The following MCC variants were observed in gnomAD, a reference collection of about 807,000 sequenced individuals.
MCC encodes the protein MCC regulator of Wnt signaling pathway.
Under a neutral mutation model 116.2 loss-of-function variants are expected in MCC, and 90 were observed. That is an observed-to-expected ratio of 0.77 (90% CI 0.65 to 0.92). The LOEUF (loss-of-function observed/expected upper bound fraction) is 0.92. Among genes scored for constraint, MCC ranks in the 40% least tolerant of loss-of-function variants. The probability of loss-of-function intolerance (pLI) is 0.00; values close to 1 mark genes in which losing one functional copy is unlikely to be tolerated. For missense variants in MCC, 1,516 were observed against 1,312.2 expected, an observed-to-expected ratio of 1.16 and a Z score of -2.40; for synonymous variants, 578 against 510.5, an observed-to-expected ratio of 1.13 and a Z score of -1.78.
chr5:113,040,240 C>A (rs1302991889), intron 17 of MCC, among the ~76,000 whole-genome samples: 1 of 151,846 alleles, frequency 6.6e-6, no homozygotes, highest in Non-Finnish European at 1.5e-5. Context: ...AGAAGATACA[C>A]TGAGAGAGCC....
chr5:113,090,555 G>T (rs1006120672), intron 8 of MCC, among the ~76,000 whole-genome samples: 3 of 152,208 alleles, frequency 2.0e-5, no homozygotes, highest in African/African-American at 7.2e-5. Flanking sequence ...ATTTGGACAC[G>T]TTCCTCAACG....
intron 1 of MCC, among the ~76,000 whole-genome samples, chr5:113,401,770 TA>T (rs376935006): frequency 0.26 from 25,877 of 99,972 alleles, 2,426 homozygotes; most frequent in Non-Finnish European, 0.29. Flanking sequence ...TTTTCTTATT[TA>T]TATATATATA....
chr5:113,087,165 T>A (rs1258192093), intron 8 of MCC, among the ~76,000 whole-genome samples: 1 of 152,234 alleles, frequency 6.6e-6, no homozygotes. Flanking sequence ...ATATTAAATG[T>A]CTAGGATGTC....
At chr5:113,253,600 G>A (rs1764884601) in intron 3 of MCC, among the ~76,000 whole-genome samples, 1 of 152,174 alleles carries the variant, frequency 6.6e-6, no homozygotes, top group South Asian at 2.1e-4. Flanking sequence ...GAGGAGGGAA[G>A]CTAAGTCAGC....
intron 14 of MCC, among the ~76,000 whole-genome samples, chr5:113,055,418 C>T (rs931335928): frequency 6.6e-6 from 1 of 152,204 alleles, no homozygotes; most frequent in African/African-American, 2.4e-5. Flanking sequence ...CACTCTTGTA[C>T]ATGACACATT....
At chr5:113,044,506 C>T (rs1580910828) in intron 16 of MCC, 2 of 983,094 alleles carry the variant, frequency 2.0e-6, no homozygotes, top group South Asian at 9.4e-5. Flanking sequence ...GACATGAGTG[C>T]TACCAAGCTG....
Position 113,434,718 on chromosome 5 carries a change from T to G in MCC, c.171-49506A>C. On this transcript the variant is annotated intron_variant, in intron 1 of 18. Transcript: ENST00000408903. This position sits in a 1 kb window ranked among gnomAD's most constrained non-coding sequence, Gnocchi z 4.2. ...GGGGGCCTTCTTGCGGTCGATGATC[T>G]TGATCGCCACATTGAACTTCAGGCG... The G allele has an allele frequency of 6.2e-7, 1 of 1,614,108 alleles. No homozygotes were observed. Among genetic ancestry groups the G allele is most frequent in the East Asian group, 2.2e-5 (1 of 44,888 alleles).
In MCC at chr5:113,266,622, T is replaced by A. The variant is rs548688070; in HGVS notation, c.627+73897A>T. On this transcript the variant is annotated intron_variant, in intron 3 of 18. Coordinates refer to ENST00000408903, the MANE Select transcript of MCC (RefSeq NM_001085377.2). ...GGGGAGAACTCCTACGCTCAACTAA[T>A]CCTCCAGCCTCAGCCTCAGAGTAAC... is the stretch of plus-strand genomic sequence containing the variant. 8.2e-4 allele frequency among the ~76,000 whole-genome samples: 125 copies of A among 152,252 alleles called. 1 individual carries two copies. The highest frequency in any genetic ancestry group is 7.9e-3 in the Admixed American group (121 of 15,280).
At chr5:113,198,831 T>C (rs1762550326) in intron 3 of MCC, among the ~76,000 whole-genome samples, 1 of 151,912 alleles carries the variant, frequency 6.6e-6, no homozygotes, top group Non-Finnish European at 1.5e-5. Context: ...CGGGACCACG[T>C]AGGCTGAGGT....
At chr5:113,461,098 C>T (rs1227791802) in intron 1 of MCC, among the ~76,000 whole-genome samples, 3 of 152,116 alleles carry the variant, frequency 2.0e-5, no homozygotes, top group Non-Finnish European at 4.4e-5. Context: ...ATCTCTAAAA[C>T]AGTTTTTAAA....
chr5:113,126,752 C>T (rs4705783), intron 5 of MCC, among the ~76,000 whole-genome samples: 87,474 of 151,994 alleles, frequency 0.58, 25,806 homozygotes, highest in East Asian at 0.74. Context: ...TTATGTTATC[C>T]GTAAGGCTTC....
chr5:113,218,877 C>T (rs1411958155), intron 3 of MCC, among the ~76,000 whole-genome samples: 1 of 151,820 alleles, frequency 6.6e-6, no homozygotes, highest in African/African-American at 2.4e-5. Context: ...TAGAAGGGGA[C>T]GCATTATAAG....
At chr5:113,228,408 A>G (rs762212804) in intron 3 of MCC, among the ~76,000 whole-genome samples, 1 of 152,296 alleles carries the variant, frequency 6.6e-6, no homozygotes, top group African/African-American at 2.4e-5. Context: ...GTATTGCCAG[A>G]CTTACAGAAA....
At chr5:113,249,623 T>C (rs1764717581) in intron 3 of MCC, among the ~76,000 whole-genome samples, 1 of 152,124 alleles carries the variant, frequency 6.6e-6, no homozygotes, top group Admixed American at 6.5e-5. Flanking sequence ...CCCCCAAAAA[T>C]AAGCAGGTAA....
In MCC at chr5:113,385,046, C is replaced by A; in HGVS notation, c.337G>T (p.Ala113Ser). ...EIRKEEVDLS[A>S]KSDNSCTKKL... ...TTTGTACAGGAGTTGTCTGACTTTG[C>A]AGAAAGATCTACTTCCTCCTTCCTA... The change falls in exon 2 of 19, where the codon GCA becomes TCA. Residue 113 changes from alanine to serine, a missense_variant. Coordinates refer to ENST00000408903, the MANE Select transcript of MCC (RefSeq NM_001085377.2). 1 of 1,614,236 alleles carries A rather than the reference C, an allele frequency of 6.2e-7. No homozygotes were observed. Among genetic ancestry groups the A allele is most frequent in the South Asian group, 1.1e-5 (1 of 91,086 alleles).
chr5:113,084,162 G>A lies in MCC; in HGVS notation c.1574C>T (p.Thr525Ile). 6.2e-7 allele frequency: 1 copy of A among 1,614,140 alleles called. No homozygotes were observed. The highest frequency in any genetic ancestry group is 1.1e-5 in the South Asian group (1 of 91,076). Residue 525 changes from threonine (T) to isoleucine (I), a missense_variant, in exon 10 of 19, where the codon ACA becomes ATA. Coordinates refer to ENST00000408903, the MANE Select transcript of MCC (RefSeq NM_001085377.2). ...ATCAGATGATGACGATTCGGACCTT[G>A]TCTTTGATAGCTTCACCCTCTCAGC... ...KIAERVKLSK[T>I]RSESSSSDRP...
At chr5:113,345,498 TC>T (rs779154528) in intron 2 of MCC, among the ~76,000 whole-genome samples, 8 of 152,206 alleles carry the variant, frequency 5.3e-5, no homozygotes, top group Non-Finnish European at 8.8e-5. Context: ...CTCAGTGTAG[TC>T]CTAGTGGTGG....
At chr5:113,137,838 A>ACC (rs1312391739) in intron 5 of MCC, among the ~76,000 whole-genome samples, 24 of 152,130 alleles carry the variant, frequency 1.6e-4, no homozygotes, top group African/African-American at 5.8e-4. Context: ...TAGGGCATTG[A>ACC]AAAAGGTTAC....
intron 13 of MCC, among the ~76,000 whole-genome samples, chr5:113,066,954 G>A (rs1378559037): frequency 6.6e-6 from 1 of 152,172 alleles, no homozygotes; most frequent in Non-Finnish European, 1.5e-5. Flanking sequence ...GGTGTCCGGG[G>A]CTTAGTTCTG....
Sources: allele counts gnomAD v4.1 joint callset (sites outside exome capture counted in the v4.1 genomes callset), GRCh38; gene constraint gnomAD v4.1.1; non-coding constraint Gnocchi (gnomAD v3.1); transcripts MANE v1.5; gene names NCBI Gene and HGNC (gene_info 2026-07-23, HGNC 2026-07-21).